Variants in POLR2F observed in about 807,000 individuals in gnomAD.
POLR2F encodes DNA-directed RNA polymerases I, II, and III subunit RPABC2.
POLR2F carries 12 observed loss-of-function variants against 22.7 expected under a neutral mutation model. That is an observed-to-expected ratio of 0.53 (90% CI 0.34 to 0.86). The LOEUF is 0.86. POLR2F is among the 40% of genes least tolerant of loss of function. The probability of loss-of-function intolerance (pLI) is 0.02; values close to 1 mark genes in which losing one functional copy is unlikely to be tolerated. For missense variants in POLR2F, 126 were observed against 171.5 expected, an observed-to-expected ratio of 0.73 and a Z score of 1.48; for synonymous variants, 57 against 66.0, an observed-to-expected ratio of 0.86 and a Z score of 0.66.
chr22:37,982,926 C>T (rs768938145), upstream of POLR2F, among the ~76,000 whole-genome samples: 1 of 152,250 alleles, frequency 6.6e-6, no homozygotes, highest in Non-Finnish European at 1.5e-5. Flanking sequence ...AGTTCTCCAT[C>T]TGACTGCCTC....
chr22:38,027,795 C>T (rs1045354980), downstream of POLR2F, among the ~76,000 whole-genome samples: 3 of 152,202 alleles, frequency 2.0e-5, no homozygotes, highest in Non-Finnish European at 2.9e-5. Context: ...CAGCACAGTG[C>T]GGGCTCATAG....
chr22:37,972,242 A>G (rs1932081814), downstream of POLR2F: 2 of 1,302,272 alleles, frequency 1.5e-6, no homozygotes, highest in African/African-American at 3.0e-5. Flanking sequence ...ACTTCCAGAA[A>G]GCATTTGAGG....
At chr22:37,983,326 GC>G (rs1932458556), upstream of POLR2F, 1 of 1,584,768 alleles carries the variant, frequency 6.3e-7, no homozygotes, top group South Asian at 1.1e-5. The surrounding 1 kb of genome is among the most constrained non-coding windows in gnomAD (Gnocchi z 9.5). Context: ...AAGCTAGAGG[GC>G]CCGAGCCCGG....
At chr22:38,032,988 C>T (rs917665918) in intron 5 of POLR2F, 1 of 165,770 alleles carries the variant, frequency 6.0e-6, no homozygotes, top group Non-Finnish European at 1.5e-5. Flanking sequence ...TCATGTCCCC[C>T]ACATGGAGCA....
intron 1 of POLR2F, among the ~76,000 whole-genome samples, chr22:37,999,412 C>T (rs991071498): frequency 2.6e-5 from 4 of 152,146 alleles, no homozygotes; most frequent in Non-Finnish European, 5.9e-5. Context: ...GCAGCCTCAG[C>T]CTGGCCTGTG....
chr22:37,983,245 G>A, upstream of POLR2F: 1 of 1,267,548 alleles, frequency 7.9e-7, no homozygotes, highest in Non-Finnish European at 1.1e-6. This position sits in a 1 kb window ranked among gnomAD's most constrained non-coding sequence, Gnocchi z 9.5. Flanking sequence ...CCCTATCCAA[G>A]GAGGACTGCC....
intron 3 of POLR2F, among the ~76,000 whole-genome samples, chr22:37,966,378 T>C (rs1931852695): frequency 6.6e-6 from 1 of 150,550 alleles, no homozygotes; most frequent in African/African-American, 2.4e-5. Context: ...GTCATGACAG[T>C]GTTGTAAGCA....
intron 5 of POLR2F, among the ~76,000 whole-genome samples, chr22:38,037,991 C>A (rs931736809): frequency 5.3e-5 from 8 of 151,932 alleles, no homozygotes; most frequent in African/African-American, 1.5e-4. Flanking sequence ...ATCAAGTCAG[C>A]GTGTGGGAAG....
At chr22:38,037,545 G>C (rs190199578) in intron 5 of POLR2F, among the ~76,000 whole-genome samples, 1 of 151,226 alleles carries the variant, frequency 6.6e-6, no homozygotes, top group African/African-American at 2.4e-5. Context: ...AAAGTGCTGG[G>C]AATGCAGCTG....
downstream of POLR2F, chr22:37,969,343 A>T: frequency 1.0e-6 from 1 of 984,692 alleles, no homozygotes; most frequent in Non-Finnish European, 1.2e-6. Flanking sequence ...GGGTTTGGGC[A>T]TAGTCTCTTG....
downstream of POLR2F, chr22:37,972,100 G>A (rs1286166248): frequency 3.1e-6 from 1 of 322,742 alleles, no homozygotes; most frequent in East Asian, 1.0e-4. Flanking sequence ...GGGGGAGAGA[G>A]AGAGAGAAAG....
chr22:37,966,518 A>G (rs1300563631), intron 3 of POLR2F, among the ~76,000 whole-genome samples: 1 of 152,138 alleles, frequency 6.6e-6, no homozygotes, highest in African/African-American at 2.4e-5. Flanking sequence ...CATGCCTTTC[A>G]TCCCAGCAAT....
intron 2 of POLR2F, among the ~76,000 whole-genome samples, chr22:37,958,143 C>T (rs543577864): frequency 1.3e-4 from 20 of 151,616 alleles, no homozygotes; most frequent in African/African-American, 4.8e-4. Flanking sequence ...TCCTGAGTAG[C>T]TGGGACTGCA....
chr22:37,953,707 A>C lies in POLR2F; in HGVS notation c.-81A>C, dbSNP rs1266263738. 1 of 1,527,052 alleles carries C rather than the reference A, an allele frequency of 6.5e-7. No individual in the cohort carries two copies. Among genetic ancestry groups the C allele is most frequent in the East Asian group, 2.3e-5 (1 of 43,464 alleles). The allele number at this position is 1,527,052 out of a possible 1,614,324, so 94.6% of individuals were successfully genotyped here. ...CGGCGCAGGCGCAAGATAAGCTAGG[A>C]GCCGCGCGAGTCGTAGTGTCGCTGT... On this transcript the variant is annotated 5_prime_UTR_variant, in exon 1 of 5. Coordinates refer to ENST00000442738, the MANE Select transcript of POLR2F (RefSeq NM_021974.5).
downstream of POLR2F, among the ~76,000 whole-genome samples, chr22:38,030,568 G>A (rs1384962372): frequency 6.6e-6 from 1 of 152,180 alleles, no homozygotes; most frequent in African/African-American, 2.4e-5. Context: ...CATTCCCATG[G>A]TGCCCTGCAA....
At chr22:37,972,312 T>C (rs1932084418), downstream of POLR2F, 6 of 1,151,354 alleles carry the variant, frequency 5.2e-6, no homozygotes, top group Non-Finnish European at 7.1e-6. Context: ...ACCAAGCAGG[T>C]AACCGGAACC....
chr22:38,002,405 G>T (rs1212273917), intron 1 of POLR2F, among the ~76,000 whole-genome samples: 1 of 152,108 alleles, frequency 6.6e-6, no homozygotes, highest in Non-Finnish European at 1.5e-5. Context: ...ATGCAATGTG[G>T]GGTCAGTGGG....
chr22:37,971,350 A>G (rs1186191448), downstream of POLR2F: 1 of 469,628 alleles, frequency 2.1e-6, no homozygotes, highest in Non-Finnish European at 4.4e-6. Flanking sequence ...CCTGAATGAC[A>G]TAAAACCCTT....
downstream of POLR2F, chr22:37,974,173 A>G: frequency 9.2e-7 from 1 of 1,092,834 alleles, no homozygotes; most frequent in Non-Finnish European, 1.3e-6. This position sits in a 1 kb window ranked among gnomAD's most constrained non-coding sequence, Gnocchi z 5.4. Flanking sequence ...GGGTGGTTGG[A>G]GGGGTGGGTG....
Sources: gnomAD v4.1 joint callset for allele counts (sites outside exome capture counted in the v4.1 genomes callset) on GRCh38, gnomAD v4.1.1 for gene constraint, Gnocchi (gnomAD v3.1) non-coding constraint, MANE v1.5 for transcripts, NCBI Gene and HGNC (gene_info 2026-07-23, HGNC 2026-07-21) for gene names.